PATJ: variants seen among roughly 807,000 people sequenced by gnomAD.
PATJ encodes the protein PATJ crumbs cell polarity complex component, also known as inaD-like protein.
PATJ carries 190 observed loss-of-function variants against 224.9 expected under a neutral mutation model. That is an observed-to-expected ratio of 0.84 (90% CI 0.75 to 0.95). The LOEUF (loss-of-function observed/expected upper bound fraction) is 0.95. PATJ is among the 40% of genes least tolerant of loss of function. The pLI is 0.00. For missense variants in PATJ, 2,121 were observed against 2,270.3 expected (o/e 0.93, Z 1.34); for synonymous variants, 769 against 820.3 (o/e 0.94, Z 1.07).
intron 31 of PATJ, among the ~76,000 whole-genome samples, chr1:62,077,896 A>T (rs1250717652): frequency 6.6e-6 from 1 of 151,280 alleles, no homozygotes; most frequent in Non-Finnish European, 1.5e-5. Flanking sequence ...TGCAAAAAGA[A>T]AAAAAGTAAT....
At chr1:61,877,886 G>C (rs1667554761) in intron 21 of PATJ, among the ~76,000 whole-genome samples, 1 of 152,136 alleles carries the variant, frequency 6.6e-6, no homozygotes. Context: ...TGATTACAGA[G>C]GCCCTACAGG....
At chr1:62,069,879 T>C (rs915827039) in intron 31 of PATJ, among the ~76,000 whole-genome samples, 1 of 140,676 alleles carries the variant, frequency 7.1e-6, no homozygotes, top group African/African-American at 2.6e-5. Flanking sequence ...GTAGCAGTTA[T>C]TGCATTCTTA....
At chr1:62,078,827 A>C (rs1190330654) in intron 31 of PATJ, 1 of 150,576 alleles carries the variant, frequency 6.6e-6, no homozygotes, top group Non-Finnish European at 1.5e-5. Context: ...TGGGTATCGT[A>C]GGTGCCTGGA....
At chr1:61,794,247 G>C (rs551793820) in intron 9 of PATJ, among the ~76,000 whole-genome samples, 1 of 151,974 alleles carries the variant, frequency 6.6e-6, no homozygotes, top group East Asian at 1.9e-4. Flanking sequence ...CTGGGCTCAG[G>C]TGATTCTCAT....
intron 27 of PATJ, among the ~76,000 whole-genome samples, chr1:61,978,386 C>T (rs1458688403): frequency 6.6e-6 from 1 of 151,898 alleles, no homozygotes; most frequent in Non-Finnish European, 1.5e-5. Context: ...CTGCCTCAGC[C>T]TTCCGAGTAG....
At chr1:62,117,465 T>A (rs746845270) in intron 37 of PATJ, 175 of 1,315,608 alleles carry the variant, frequency 1.3e-4, no homozygotes, top group Non-Finnish European at 1.7e-4. Flanking sequence ...CTCTATTAGT[T>A]CTATATTGCC....
chr1:62,011,003 C>A (rs753870492), intron 28 of PATJ, among the ~76,000 whole-genome samples: 2 of 152,214 alleles, frequency 1.3e-5, no homozygotes, highest in Non-Finnish European at 2.9e-5. Context: ...CCTCACCTCT[C>A]TCAGCCTTGA....
chr1:61,996,930 C>T (rs113205184), intron 28 of PATJ, among the ~76,000 whole-genome samples: 5,000 of 151,548 alleles, frequency 0.033, 190 homozygotes, highest in African/African-American at 0.091. Flanking sequence ...TTAGTGGAGA[C>T]GGGGTGTCAC....
At chr1:61,980,447 G>A (rs1187132700) in intron 27 of PATJ, among the ~76,000 whole-genome samples, 1 of 96,714 alleles carries the variant, frequency 1.0e-5, no homozygotes, top group Non-Finnish European at 2.5e-5. Flanking sequence ...TTGTGTGTGT[G>A]TGTGTGTGTG....
intron 38 of PATJ, among the ~76,000 whole-genome samples, chr1:62,122,373 A>C (rs1665170440): frequency 1.3e-5 from 2 of 150,714 alleles, no homozygotes; most frequent in African/African-American, 4.9e-5. Context: ...TAAAAAAAAA[A>C]AAAAAAAAAA....
At chr1:62,013,910 A>G (rs1469793622) in intron 28 of PATJ, among the ~76,000 whole-genome samples, 1 of 152,108 alleles carries the variant, frequency 6.6e-6, no homozygotes, top group East Asian at 1.9e-4. Flanking sequence ...AGTAGCTGGG[A>G]CCACAGGCGC....
intron 27 of PATJ, among the ~76,000 whole-genome samples, chr1:61,981,550 C>G (rs1644448557): frequency 6.6e-6 from 1 of 151,786 alleles, no homozygotes; most frequent in Non-Finnish European, 1.5e-5. Context: ...AAGAAAGACC[C>G]AAAGACCCAG....
chr1:62,138,562 C>T (rs1452294624), intron 41 of PATJ, among the ~76,000 whole-genome samples: 1 of 152,166 alleles, frequency 6.6e-6, no homozygotes, highest in Non-Finnish European at 1.5e-5. Flanking sequence ...CCGCCTCAGC[C>T]TCCCAAAGTG....
intron 30 of PATJ, among the ~76,000 whole-genome samples, chr1:62,048,545 C>CAAAAAAAAAAAAAAAAAAAA (rs773157635): frequency 4.1e-4 from 27 of 66,166 alleles, no homozygotes; most frequent in Non-Finnish European, 7.7e-4. Context: ...GACTCTGTCT[C>CAAAAAAAAAAAAAAAAAAAA]AAAAAAAAAA....
chr1:61,851,064 A>G (rs1662736141), intron 17 of PATJ, among the ~76,000 whole-genome samples: 1 of 152,190 alleles, frequency 6.6e-6, no homozygotes, highest in African/African-American at 2.4e-5. Flanking sequence ...AAATCAAGCA[A>G]AAACTAAGCA....
At chr1:61,915,676 T>C (rs187836724) in intron 26 of PATJ, among the ~76,000 whole-genome samples, 3 of 151,238 alleles carry the variant, frequency 2.0e-5, no homozygotes, top group Non-Finnish European at 3.0e-5. Flanking sequence ...TAATTAATTT[T>C]TATAATTTTC....
chr1:61,930,584 G>T (rs1037586510), intron 27 of PATJ, among the ~76,000 whole-genome samples: 2 of 152,112 alleles, frequency 1.3e-5, no homozygotes, highest in South Asian at 2.1e-4. Context: ...GGTTTTGGGG[G>T]TTTTTTGAGA....
chr1:62,144,770 AAAAAAAAATAT>A (rs1295079319), intron 41 of PATJ, among the ~76,000 whole-genome samples: 1 of 60,562 alleles, frequency 1.7e-5, no homozygotes, highest in South Asian at 5.7e-4. Flanking sequence ...TATTTGCAAA[AAAAAAAAATAT>A]ATATATATAT....
chr1:61,851,331 G>A (rs1662776127), intron 17 of PATJ, among the ~76,000 whole-genome samples: 1 of 152,156 alleles, frequency 6.6e-6, no homozygotes, highest in Admixed American at 6.5e-5. Context: ...TCTTCAGGGA[G>A]TAAGGGAATG....
Sources: allele counts gnomAD v4.1 joint callset (sites outside exome capture counted in the v4.1 genomes callset), GRCh38; gene constraint gnomAD v4.1.1; transcripts MANE v1.5; gene names NCBI Gene and HGNC (gene_info 2026-07-23, HGNC 2026-07-21).